Variants in FLG observed in about 807,000 individuals in gnomAD.
FLG encodes filaggrin, also known as epidermal filaggrin.
In FLG, 6 loss-of-function variants were observed where a neutral mutation model predicts 3.8. That is an observed-to-expected ratio of 1.60 (90% CI 0.87 to 3.15). The LOEUF is 3.15. Ranked by LOEUF, FLG falls within the 30% of genes most tolerant of loss-of-function variation. The pLI is 0.00. For missense variants in FLG, 7,595 were observed against 5,050.9 expected, an observed-to-expected ratio of 1.50 and a Z score of -15.27; for synonymous variants, 2,551 against 1,931.6, an observed-to-expected ratio of 1.32 and a Z score of -8.41.
rs758674459 is a variant in FLG at position 152,310,371 on chromosome 1, G to A, written c.4515C>T (p.His1505=). 104 of 1,613,478 alleles carry A rather than the reference G, an allele frequency of 6.4e-5. No individual in the cohort carries two copies. Among genetic ancestry groups the A allele is most frequent in the Middle Eastern group, 1.6e-4 (1 of 6,080 alleles). Residue 1505 remains histidine (H), a synonymous_variant, in exon 3 of 3, where the codon CAC becomes CAT. Transcript: ENST00000368799. Reference sequence around the variant, plus strand: ...GTCCAGACCTATCTACTGATTGCTCGTGGTAGGATCCCTGCCTTCCTCCTC... The same window carrying A: ...GTCCAGACCTATCTACTGATTGCTCATGGTAGGATCCCTGCCTTCCTCCTC... ...SSRGGRQGSY[H]EQSVDRSGHS...
rs543138888 is a variant in FLG at position 152,312,423 on chromosome 1, G to A, written c.2463C>T (p.His821=). 2 of 1,613,542 alleles carry A rather than the reference G, an allele frequency of 1.2e-6. No individual in the cohort carries two copies. The highest frequency in any genetic ancestry group is 1.7e-5 in the Admixed American group (1 of 59,980). Residue 821 remains histidine (H), a synonymous_variant, in exon 3 of 3, where the codon CAC becomes CAT. Transcript: ENST00000368799. ...TGGAGTTGTCTCGTGCCTGCTCATG[G>A]TGGGATCCTTGTCTTACTCCAGTGC... is the stretch of plus-strand genomic sequence containing the variant. ...GPSTGVRQGS[H]HEQARDNSRH... is the part of the protein sequence containing the mutation.
At position 152,304,252 on chromosome 1, in the gene FLG, C is replaced by A; in HGVS notation, c.10634G>T (p.Ser3545Ile). ...QGSSVSQDSD[S>I]QGHSEDSERW... ...CTCAGAGTCTTCTGAGTGTCCCTGA[C>A]TGTCACTGTCCTGGCTAACACTGGA... is the stretch of plus-strand genomic sequence containing the variant. The change falls in exon 3 of 3, where the codon AGT becomes ATT. Residue 3545 changes from serine (S) to isoleucine (I), a missense_variant. Physicochemically the swap from Ser to Ile is moderately radical, Grantham distance 142 (BLOSUM62 -2). Coordinates refer to ENST00000368799, the MANE Select transcript of FLG (RefSeq NM_002016.2). 1 of 1,613,290 alleles carries A rather than the reference C, an allele frequency of 6.2e-7. No individual in the cohort carries two copies. The highest frequency in any genetic ancestry group is 8.5e-7 in the Non-Finnish European group (1 of 1,179,704).
Position 152,304,162 on chromosome 1 carries a change from G to A in FLG, c.10724C>T (p.Ser3575Phe), listed in dbSNP as rs200816616. The A allele has an allele frequency of 1.1e-4, 169 of 1,606,228 alleles. No homozygotes were observed. The highest frequency in any genetic ancestry group is 6.8e-6 in the Non-Finnish European group (8 of 1,178,742). Residue 3575 changes from serine to phenylalanine, a missense_variant, in exon 3 of 3, where the codon TCC becomes TTC. Physicochemically the swap from Ser to Phe is radical, Grantham distance 155 (BLOSUM62 -2). Transcript: ENST00000368799. Reference sequence around the variant, plus strand: ...TTCGTGATGGGACGTGGGGTGTCTGGAGCCATCTCTTGACTGCTCCTGAGC... The same window carrying A: ...TTCGTGATGGGACGTGGGGTGTCTGAAGCCATCTCTTGACTGCTCCTGAGC... ...GSAQEQSRDGSRHPTSHHEDR... is the reference protein window; with the variant it reads ...GSAQEQSRDGFRHPTSHHEDR...
chr1:152,303,662 C>T lies in FLG; in HGVS notation c.11224G>A (p.Ala3742Thr), dbSNP rs769733345. The change falls in exon 3 of 3, where the codon GCA (alanine) becomes ACA (threonine). Residue 3742 changes from alanine to threonine, a missense_variant. Transcript: ENST00000368799. ...GCTGAGTGCCTGGAGCTGTCTCGTG[C>T]CTGCTCGTGGCGGGATCCTTGTCTT... Reference protein sequence around the residue: ...GGRQGSRHEQARDSSRHSASQ... With the variant: ...GGRQGSRHEQTRDSSRHSASQ... 1.9e-6 allele frequency: 3 copies of T among 1,613,934 alleles called. No homozygotes were observed. Among genetic ancestry groups the T allele is most frequent in the Non-Finnish European group, 2.5e-6 (3 of 1,179,952 alleles).
chr1:152,314,822 T>C (rs1056042662), intron 2 of FLG, 75 bp from the exon 3 acceptor site: 16 of 1,589,090 alleles, frequency 1.0e-5, no homozygotes, highest in Non-Finnish European at 1.3e-5. Context: ...TCAAAGTTAA[T>C]TTAAGGAACC....
At position 152,310,353 on chromosome 1, in the gene FLG, C is replaced by G. The variant is rs138596526; in HGVS notation, c.4533G>C (p.Arg1511Ser). ...TGTGATGGTACCCTGAGTGTCCAGACCTATCTACTGATTGCTCGTGGTAGG... is the reference window on the plus strand; with the variant it reads ...TGTGATGGTACCCTGAGTGTCCAGAGCTATCTACTGATTGCTCGTGGTAGG... ...QGSYHEQSVD[R>S]SGHSGYHHSH... is the part of the protein sequence containing the mutation. Residue 1511 changes from arginine to serine, a missense_variant, in exon 3 of 3, where the codon AGG becomes AGC. Physicochemically the swap from Arg to Ser is moderately radical, Grantham distance 110. Coordinates refer to ENST00000368799, the MANE Select transcript of FLG (RefSeq NM_002016.2). 3,532 of 1,613,728 alleles carry G rather than the reference C, an allele frequency of 2.2e-3. 150 individuals are homozygous for G. The Admixed American group carries it at 0.055, about 25-fold the overall frequency.
chr1:152,308,550 T>A lies in FLG; in HGVS notation c.6336A>T (p.Gly2112=). Residue 2112 remains glycine, a synonymous_variant, in exon 3 of 3, where the codon GGA becomes GGT. Coordinates refer to ENST00000368799, the MANE Select transcript of FLG (RefSeq NM_002016.2). ...STHGQSAPST[G]GRQGSHYDQA... is the part of the protein sequence containing the mutation. ...GATCATAATGGGATCCTTGTCTTCC[T>A]CCAGTGCTGGGCGCAGACTGTCCAT... is the stretch of plus-strand genomic sequence containing the variant. 6.2e-7 allele frequency: 1 copy of A among 1,613,970 alleles called. No individual in the cohort carries two copies. The highest frequency in any genetic ancestry group is 1.1e-5 in the South Asian group (1 of 91,068).
rs1651747941 is a variant in FLG at position 152,303,753 on chromosome 1, G to C, written c.11133C>G (p.Leu3711=). ...AGRSGRSGSF[L]YQVSTHEQSE... is the part of the protein sequence containing the mutation. ...ACTGTTCATGAGTGCTCACCTGGTA[G>C]AGGAAAGACCCTGAACGTCCAGACC... The change falls in exon 3 of 3, where the codon CTC becomes CTG. Residue 3711 remains leucine, a synonymous_variant. Coordinates refer to ENST00000368799, the MANE Select transcript of FLG (RefSeq NM_002016.2). 1 of 1,613,898 alleles carries C rather than the reference G, an allele frequency of 6.2e-7. No homozygotes were observed. The highest frequency in any genetic ancestry group is 8.5e-7 in the Non-Finnish European group (1 of 1,179,916).
rs777960054 is a variant in FLG, at chr1:152,305,067, T to C, written c.9819A>G (p.Gln3273=). The C allele has an allele frequency of 5.0e-6, 8 of 1,613,788 alleles. No individual in the cohort carries two copies. The Admixed American group carries it at 8.3e-5, about 17-fold the overall frequency. The change falls in exon 3 of 3, where the codon CAA becomes CAG. Residue 3273 remains glutamine, a synonymous_variant. Transcript: ENST00000368799. ...GHGHSADRSR[Q]SGTRHAETSS... Reference sequence around the variant, plus strand: ...AAGTCTCTGCGTGACGAGTGCCTGATTGTCTGGAGCGGTCTGCAGAGTGCC... The same window carrying C: ...AAGTCTCTGCGTGACGAGTGCCTGACTGTCTGGAGCGGTCTGCAGAGTGCC...
Position 152,313,372 on chromosome 1 carries a change from C to T in FLG, c.1514G>A (p.Arg505Lys), listed in dbSNP as rs772944677. Residue 505 changes from arginine to lysine, a missense_variant, in exon 3 of 3, where the codon AGG becomes AAG. Coordinates refer to ENST00000368799, the MANE Select transcript of FLG (RefSeq NM_002016.2). ...SHHEQARDSS[R>K]HSASQEGQDT... ...CTGACCCTCTTGGGACGCTGAATGC[C>T]TGGAGCTGTCTCGTGCCTGCTCGTG... 7 of 1,613,504 alleles carry T rather than the reference C, an allele frequency of 4.3e-6. No homozygotes were observed. The highest frequency in any genetic ancestry group is 1.1e-5 in the South Asian group (1 of 91,062).
At position 152,308,846 on chromosome 1, in the gene FLG, C is replaced by G; in HGVS notation, c.6040G>C (p.Ala2014Pro). The G allele has an allele frequency of 1.2e-6, 2 of 1,614,190 alleles. No individual in the cohort carries two copies. Among genetic ancestry groups the G allele is most frequent in the South Asian group, 1.1e-5 (1 of 91,086 alleles). The change falls in exon 3 of 3, where the codon GCA becomes CCA. Residue 2014 changes from alanine to proline, a missense_variant. Coordinates refer to ENST00000368799, the MANE Select transcript of FLG (RefSeq NM_002016.2). ...ATGCCTGAGTGTCTGGAGCTGTCTGCTGACTGGAGCTGGTGGTGGGATCCA... is the reference window on the plus strand; with the variant it reads ...ATGCCTGAGTGTCTGGAGCTGTCTGGTGACTGGAGCTGGTGGTGGGATCCA... ...RHGSHHQLQS[A>P]DSSRHSGIGH...
Position 152,308,961 on chromosome 1 carries a change from T to A in FLG, c.5925A>T (p.Arg1975Ser). The A allele has an allele frequency of 6.2e-7, 1 of 1,614,178 alleles. No homozygotes were observed. The highest frequency in any genetic ancestry group is 8.5e-7 in the Non-Finnish European group (1 of 1,180,012). Residue 1975 changes from arginine to serine, a missense_variant, in exon 3 of 3, where the codon AGA becomes AGT. Coordinates refer to ENST00000368799, the MANE Select transcript of FLG (RefSeq NM_002016.2). The part of the protein sequence containing the change: ...AGHGHSADSS[R>S]QSGTRHTESS... ...ACTCTGTGTGACGAGTGCCTGATTG[T>A]CTGGAGCTGTCTGCAGAGTGCCCGT...
Position 152,314,400 on chromosome 1 carries a change from T to G in FLG, c.486A>C (p.Lys162Asn). ...HESSSEKKER[K>N]GYSPTHREEE... The stretch of plus-strand genomic sequence containing the variant: ...CTTCTCTATGAGTAGGTGAATATCC[T>G]TTTCTTTCTTTTTTTTCAGAACTAG... Residue 162 changes from lysine (K) to asparagine (N), a missense_variant, in exon 3 of 3, where the codon AAA becomes AAC. Transcript: ENST00000368799. The G allele has an allele frequency of 1.2e-6, 2 of 1,613,408 alleles. No individual in the cohort carries two copies. Among genetic ancestry groups the G allele is most frequent in the Non-Finnish European group, 1.7e-6 (2 of 1,179,870 alleles).
intron 1 of FLG, among the ~76,000 whole-genome samples, chr1:152,316,789 G>A (rs1273541353): frequency 6.6e-6 from 1 of 152,008 alleles, no homozygotes; most frequent in African/African-American, 2.4e-5. Flanking sequence ...ACTGCTTTAT[G>A]TACTCACTTC....
Position 152,310,331 on chromosome 1 carries a change from G to C in FLG, c.4555C>G (p.His1519Asp), listed in dbSNP as rs200756104. The C allele has an allele frequency of 7.3e-5, 118 of 1,613,952 alleles. 1 individual carries two copies. In the Admixed American group the frequency reaches 1.8e-3, roughly 25 times the overall value. Residue 1519 changes from histidine (H) to aspartate (D), a missense_variant, in exon 3 of 3, where the codon CAC (histidine) becomes GAC (aspartate). By Grantham distance (81) the His-to-Asp change is moderately conservative. Coordinates refer to ENST00000368799, the MANE Select transcript of FLG (RefSeq NM_002016.2). ...VDRSGHSGYHHSHTTPQGRSD... is the reference protein window; with the variant it reads ...VDRSGHSGYHDSHTTPQGRSD... Reference sequence around the variant, plus strand: ...CTTCCCTGGGGTGTGGTGTGGCTGTGATGGTACCCTGAGTGTCCAGACCTA... The same window carrying C: ...CTTCCCTGGGGTGTGGTGTGGCTGTCATGGTACCCTGAGTGTCCAGACCTA...
Position 152,314,515 on chromosome 1 carries a change from C to G in FLG, c.371G>C (p.Arg124Thr), listed in dbSNP as rs754018350. 8.1e-6 allele frequency: 13 copies of G among 1,613,426 alleles called. No homozygotes were observed. In the Admixed American group the frequency reaches 2.2e-4, roughly 27 times the overall value. Residue 124 changes from arginine (R) to threonine (T), a missense_variant, in exon 3 of 3, where the codon AGA (arginine) becomes ACA (threonine). Transcript: ENST00000368799. ...KQEENKENRK[R>T]PSSLERRNNR... The stretch of plus-strand genomic sequence containing the variant: ...GTTTCTTCTTTCCAGACTTGAGGGT[C>G]TTTTTCTGTTTTCTTTGTTTTCTTC...
At position 152,303,643 on chromosome 1, in the gene FLG, T is replaced by A; in HGVS notation, c.11243A>T (p.His3748Leu). The A allele has an allele frequency of 6.2e-7, 1 of 1,613,980 alleles. No individual in the cohort carries two copies. The highest frequency in any genetic ancestry group is 8.5e-7 in the Non-Finnish European group (1 of 1,179,966). ...RHEQARDSSR[H>L]SASQEGQDTI... ...GTCCTGACCCTCTTGGGACGCTGAG[T>A]GCCTGGAGCTGTCTCGTGCCTGCTC... Residue 3748 changes from histidine (H) to leucine (L), a missense_variant, in exon 3 of 3, where the codon CAC (histidine) becomes CTC (leucine). Transcript: ENST00000368799.
chr1:152,302,364 A>G lies in FLG; in HGVS notation c.*336T>C, dbSNP rs1651664028. On this transcript the variant is annotated 3_prime_UTR_variant, in exon 3 of 3. Coordinates refer to ENST00000368799, the MANE Select transcript of FLG (RefSeq NM_002016.2). ...TTTGGCTCCTTCGATATTTCTGAAA[A>G]AGATTAATTTAGAAATTTGGGGAGT... The G allele has an allele frequency of 9.9e-6, 3 of 301,686 alleles. No homozygotes were observed. Among genetic ancestry groups the G allele is most frequent in the Middle Eastern group, 2.2e-3 (2 of 910 alleles). The allele number at this position is 301,686 out of a possible 1,614,324, so 18.7% of individuals were successfully genotyped here. A position where few individuals can be genotyped will look rare whatever the true frequency, so the allele number is the denominator to read the frequency against.
chr1:152,321,580 G>T (rs200591669), intron 1 of FLG, among the ~76,000 whole-genome samples: 2 of 150,546 alleles, frequency 1.3e-5, no homozygotes, highest in African/African-American at 2.4e-5. Flanking sequence ...TAGAAGAAAT[G>T]TCTAGAAAAA....
Sources: gnomAD v4.1 joint callset for allele counts (sites outside exome capture counted in the v4.1 genomes callset) on GRCh38, gnomAD v4.1.1 for gene constraint, MANE v1.5 for transcripts, NCBI Gene and HGNC (gene_info 2026-07-23, HGNC 2026-07-21) for gene names.